The following HTT variants were observed in gnomAD, a reference collection of about 807,000 sequenced individuals.
HTT encodes huntington disease protein.
Under a neutral mutation model 362.3 loss-of-function variants are expected in HTT, and 104 were observed. The observed-to-expected ratio is 0.29, with a 90% CI of 0.24 to 0.34. The LOEUF (loss-of-function observed/expected upper bound fraction) is 0.34, where lower values mean the gene tolerates loss of function less well. Ranked by LOEUF, HTT falls within the 10% of genes least tolerant of loss-of-function variation. The pLI is 1.00. For missense variants in HTT, 3,301 were observed against 3,928.6 expected, an observed-to-expected ratio of 0.84 and a Z score of 4.27; for synonymous variants, 1,577 against 1,548.7, an observed-to-expected ratio of 1.02 and a Z score of -0.43.
At position 3,105,413 on chromosome 4, in the gene HTT, C is replaced by T. The variant is rs184820567; in HGVS notation, c.585C>T (p.His195=). Reference sequence around the variant, plus strand: ...TGTGGAGGTTTGCTGAGCTGGCTCACCTGGTTCGGCCTCAGAAATGCAGGT... The same window carrying T: ...TGTGGAGGTTTGCTGAGCTGGCTCATCTGGTTCGGCCTCAGAAATGCAGGT... The part of the protein sequence containing the change: ...AALWRFAELA[H]LVRPQKCRPY... Residue 195 remains histidine (H), a synonymous_variant, in exon 5 of 67, where the codon CAC becomes CAT. Coordinates refer to ENST00000355072, the MANE Select transcript of HTT (RefSeq NM_001388492.1). 881 of 1,613,698 alleles carry T rather than the reference C, an allele frequency of 5.5e-4. No homozygotes were observed. Among genetic ancestry groups the T allele is most frequent in the Non-Finnish European group, 6.5e-4 (767 of 1,179,588 alleles).
intron 38 of HTT, 122 bp downstream of exon 38, chr4:3,186,841 T>TC: frequency 1.7e-5 from 6 of 348,206 alleles, no homozygotes; most frequent in East Asian, 9.4e-5. Context: ...GAGTTTGCTT[T>TC]TTTTTTTTTT....
chr4:3,177,324 T>C lies in HTT; in HGVS notation c.4408-8T>C, dbSNP rs764154144. On this transcript the variant is annotated splice_region_variant and splice_polypyrimidine_tract_variant and intron_variant, in intron 33 of 66. Transcript: ENST00000355072. ...TATTGATGTGAAATTTTATTTTCCT[T>C]CCTGTAGGTGTTTATTGGCTTTGTA... 3.1e-6 allele frequency: 5 copies of C among 1,591,466 alleles called. No homozygotes were observed. Among genetic ancestry groups the C allele is most frequent in the Middle Eastern group, 3.3e-4 (2 of 6,016 alleles).
chr4:3,076,613 T>C (rs1205692018), intron 1 of HTT, among the ~76,000 whole-genome samples: 1 of 152,226 alleles, frequency 6.6e-6, no homozygotes, highest in Non-Finnish European at 1.5e-5. Flanking sequence ...AGTGCTTTTC[T>C]AGGAGGTAGG....
At chr4:3,208,230 C>G (rs541156212) in intron 45 of HTT, among the ~76,000 whole-genome samples, 2 of 152,336 alleles carry the variant, frequency 1.3e-5, no homozygotes, top group East Asian at 3.9e-4. Context: ...TTGTCACTCT[C>G]ATAGCAGATG....
At chr4:3,097,850 T>C (rs1365212673) in intron 2 of HTT, among the ~76,000 whole-genome samples, 2 of 152,196 alleles carry the variant, frequency 1.3e-5, no homozygotes, top group Admixed American at 6.5e-5. Flanking sequence ...AACTTTTAAG[T>C]GTGGTTGGAA....
intron 35 of HTT, among the ~76,000 whole-genome samples, chr4:3,179,317 A>T (rs1307272379): frequency 6.6e-6 from 1 of 152,210 alleles, no homozygotes; most frequent in Non-Finnish European, 1.5e-5. Flanking sequence ...TATTAAAGGC[A>T]TAGGTGTTTG....
intron 66 of HTT, 110 bp downstream of exon 66, chr4:3,239,088 C>A: frequency 1.8e-6 from 2 of 1,111,594 alleles, no homozygotes; most frequent in Non-Finnish European, 2.5e-6. Flanking sequence ...CCACAGATGC[C>A]AGGGTGACAG....
At chr4:3,093,421 G>T (rs1003840641) in intron 2 of HTT, among the ~76,000 whole-genome samples, 4 of 152,172 alleles carry the variant, frequency 2.6e-5, no homozygotes, top group Admixed American at 1.3e-4. Flanking sequence ...TTTGTAACAC[G>T]TAGAAGTGAA....
Position 3,209,700 on chromosome 4 carries a change from C to T in HTT, c.6292-127C>T, listed in dbSNP as rs190323354. The stretch of plus-strand genomic sequence containing the variant: ...TGGTGAGCCGTATAGCCACAGCCTG[C>T]CGGCCGGCAGCCCTCTCAGCCTAGT... On this transcript the variant is annotated intron_variant, in intron 46 of 66. Coordinates refer to ENST00000355072, the MANE Select transcript of HTT (RefSeq NM_001388492.1). The T allele has an allele frequency of 7.5e-4, 854 of 1,146,054 alleles. 4 individuals are homozygous for T. In the African/African-American group the frequency reaches 0.012, roughly 16 times the overall value. 71.0% of individuals were successfully genotyped at this position (1,146,054 alleles called of 1,614,324 possible).
At chr4:3,115,222 A>T in intron 6 of HTT, 82 bp from the exon 7 acceptor site, 1 of 1,370,304 alleles carries the variant, frequency 7.3e-7, no homozygotes, top group Non-Finnish European at 1.0e-6. Context: ...GGAAACTTCT[A>T]ATTCACGTTA....
chr4:3,083,517 C>G (rs1000631566), intron 1 of HTT, among the ~76,000 whole-genome samples: 7 of 138,454 alleles, frequency 5.1e-5, no homozygotes, highest in Non-Finnish European at 1.1e-4. Context: ...GAGTGAGACC[C>G]TGTCTCTAAA....
chr4:3,151,073 G>C (rs1411757189), intron 26 of HTT, among the ~76,000 whole-genome samples: 2 of 151,800 alleles, frequency 1.3e-5, no homozygotes, highest in African/African-American at 4.8e-5. Context: ...AAAAAACCAG[G>C]CTGCACAGGA....
chr4:3,190,472 C>A (rs1160652385), intron 40 of HTT, among the ~76,000 whole-genome samples: 1 of 151,844 alleles, frequency 6.6e-6, no homozygotes, highest in Non-Finnish European at 1.5e-5. Flanking sequence ...CATGGTAGCT[C>A]ACACCTGAAA....
chr4:3,168,973 G>A (rs1218998707), intron 29 of HTT, among the ~76,000 whole-genome samples: 2 of 149,010 alleles, frequency 1.3e-5, no homozygotes, highest in Non-Finnish European at 3.0e-5. Flanking sequence ...TGGCTTCATA[G>A]TATTTTTAAA....
chr4:3,201,204 T>G (rs11938764), intron 41 of HTT, among the ~76,000 whole-genome samples: 2,308 of 152,352 alleles, frequency 0.015, 51 homozygotes, highest in African/African-American at 0.053. Flanking sequence ...TATAACCTTC[T>G]GTATTGTTCC....
chr4:3,207,093 A>C, intron 44 of HTT, 110 bp downstream of exon 44: 1 of 1,191,044 alleles, frequency 8.4e-7, no homozygotes, highest in Non-Finnish European at 1.2e-6. Flanking sequence ...ATGGTCACCG[A>C]TAGAAACATG....
rs1712369687 is a variant in HTT, at chr4:3,074,712, C to G, written c.-114C>G. 2.6e-6 allele frequency: 3 copies of G among 1,157,180 alleles called. No individual in the cohort carries two copies. The highest frequency in any genetic ancestry group is 5.9e-5 in the Admixed American group (2 of 33,844). 71.7% of individuals were successfully genotyped at this position (1,157,180 alleles called of 1,614,324 possible). A position where few individuals can be genotyped will look rare whatever the true frequency, so the allele number is the denominator to read the frequency against. Reference sequence around the variant, plus strand: ...GGGACGGGTCCAAGATGGACGGCCGCTCAGGTTCTGCTTTTACCTGCGGCC... The same window carrying G: ...GGGACGGGTCCAAGATGGACGGCCGGTCAGGTTCTGCTTTTACCTGCGGCC... On this transcript the variant is annotated 5_prime_UTR_variant, in exon 1 of 67. Transcript: ENST00000355072.
intron 2 of HTT, among the ~76,000 whole-genome samples, chr4:3,095,478 A>G (rs980228959): frequency 6.6e-5 from 10 of 152,214 alleles, no homozygotes; most frequent in African/African-American, 2.4e-4. Flanking sequence ...TGGTGGCAGT[A>G]CAGTCCAGCC....
intron 40 of HTT, among the ~76,000 whole-genome samples, chr4:3,193,734 C>G (rs1038913081): frequency 4.6e-5 from 7 of 152,296 alleles, no homozygotes; most frequent in South Asian, 2.1e-4. Context: ...GATTGGATAG[C>G]TTAATTTATA....
Sources: allele counts gnomAD v4.1 joint callset (sites outside exome capture counted in the v4.1 genomes callset), GRCh38; gene constraint gnomAD v4.1.1; transcripts MANE v1.5; gene names NCBI Gene and HGNC (gene_info 2026-07-23, HGNC 2026-07-21).